The following OSBPL10 variants were observed in gnomAD, a reference collection of about 807,000 sequenced individuals.
The protein encoded by OSBPL10 is oxysterol-binding protein-related protein 10.
OSBPL10 carries 49 observed loss-of-function variants against 81.7 expected under a neutral mutation model. That is an observed-to-expected ratio of 0.60 (90% CI 0.48 to 0.76). The LOEUF is 0.76. Among genes scored for constraint, OSBPL10 ranks in the 30% least tolerant of loss-of-function variants. The pLI is 0.00. For synonymous variants in OSBPL10, 419 were observed against 383.6 expected, an observed-to-expected ratio of 1.09 and a Z score of -1.08; for missense variants, 923 against 987.8, an observed-to-expected ratio of 0.93 and a Z score of 0.88.
intron 6 of OSBPL10, chr3:31,705,027 C>T (rs1197086405): frequency 6.6e-6 from 1 of 152,216 alleles, no homozygotes; most frequent in East Asian, 1.9e-4. Context: ...GAAATTAAGG[C>T]TGGTGCAGGT....
intron 1 of OSBPL10, among the ~76,000 whole-genome samples, chr3:31,933,890 T>A (rs1697314936): frequency 6.6e-6 from 1 of 152,076 alleles, no homozygotes; most frequent in South Asian, 2.1e-4. Flanking sequence ...ACATTAATTT[T>A]GAGAGGAAAG....
intron 4 of OSBPL10, chr3:31,795,007 T>C (rs1046500968): frequency 1.6e-5 from 4 of 255,762 alleles, no homozygotes; most frequent in African/African-American, 9.2e-5. Context: ...GAAGAACTTC[T>C]TGCCCAGCTT....
intron 4 of OSBPL10, among the ~76,000 whole-genome samples, chr3:31,799,855 C>T (rs574034192): frequency 1.3e-5 from 2 of 152,074 alleles, no homozygotes; most frequent in South Asian, 4.1e-4. Flanking sequence ...ACTACAGGCG[C>T]CCACCACCAT....
At chr3:31,764,098 A>G (rs1320977836) in intron 4 of OSBPL10, among the ~76,000 whole-genome samples, 3 of 152,340 alleles carry the variant, frequency 2.0e-5, no homozygotes, top group African/African-American at 7.2e-5. Context: ...TTTGCAAAAG[A>G]GCTAACCGCC....
intron 4 of OSBPL10, among the ~76,000 whole-genome samples, chr3:31,787,527 G>C (rs570180848): frequency 1.1e-3 from 161 of 151,732 alleles, no homozygotes; most frequent in African/African-American, 3.8e-3. Context: ...CCCGGGAGCT[G>C]GAGGTTGCAG....
chr3:31,927,392 T>C (rs1697105905), intron 1 of OSBPL10, among the ~76,000 whole-genome samples: 1 of 152,194 alleles, frequency 6.6e-6, no homozygotes. Flanking sequence ...TTAGAACACA[T>C]CTTTTAAGCT....
At chr3:31,888,763 A>G (rs1251188388) in intron 1 of OSBPL10, among the ~76,000 whole-genome samples, 1 of 152,092 alleles carries the variant, frequency 6.6e-6, no homozygotes, top group Admixed American at 6.5e-5. Flanking sequence ...TCTACTAAAA[A>G]TATAAAAAAA....
chr3:31,869,333 TG>T (rs1217292979), intron 3 of OSBPL10, among the ~76,000 whole-genome samples: 1 of 152,228 alleles, frequency 6.6e-6, no homozygotes, highest in Non-Finnish European at 1.5e-5. Context: ...CAGAATGTCA[TG>T]AATTGAAAGA....
intron 4 of OSBPL10, among the ~76,000 whole-genome samples, chr3:31,778,890 A>G (rs984887373): frequency 1.3e-5 from 2 of 152,226 alleles, no homozygotes; most frequent in African/African-American, 4.8e-5. Flanking sequence ...CTTATTAGCC[A>G]GAAGGGACTG....
intron 1 of OSBPL10, among the ~76,000 whole-genome samples, chr3:32,059,533 G>A (rs1444023282): frequency 1.3e-5 from 2 of 152,060 alleles, no homozygotes; most frequent in African/African-American, 2.4e-5. Flanking sequence ...GGAGGTTGCA[G>A]TGAGCCGAGA....
At chr3:31,863,686 C>T (rs1701110027) in intron 3 of OSBPL10, among the ~76,000 whole-genome samples, 2 of 152,182 alleles carry the variant, frequency 1.3e-5, no homozygotes, top group Admixed American at 1.3e-4. Context: ...AAAATGTGTT[C>T]CTTATGACTA....
chr3:31,791,652 T>G (rs753833882), intron 4 of OSBPL10, among the ~76,000 whole-genome samples: 4 of 152,060 alleles, frequency 2.6e-5, no homozygotes, highest in Non-Finnish European at 5.9e-5. Flanking sequence ...TTTTGTTTTT[T>G]TTTTCCACAA....
At chr3:31,698,174 G>A (rs1005992568) in intron 7 of OSBPL10, among the ~76,000 whole-genome samples, 4 of 151,776 alleles carry the variant, frequency 2.6e-5, no homozygotes, top group African/African-American at 9.7e-5. Context: ...AACTAAGCAG[G>A]TATGGTGGCT....
chr3:31,785,202 T>G (rs1698832086), intron 4 of OSBPL10, among the ~76,000 whole-genome samples: 1 of 152,168 alleles, frequency 6.6e-6, no homozygotes, highest in Non-Finnish European at 1.5e-5. Context: ...TTTCATTTGA[T>G]GATATCAGAA....
upstream of OSBPL10, among the ~76,000 whole-genome samples, chr3:31,985,752 T>C (rs764475324): frequency 2.0e-5 from 3 of 152,228 alleles, no homozygotes; most frequent in South Asian, 2.1e-4. Context: ...GTCTGATGTG[T>C]TGTACGTCCC....
At chr3:32,076,367 CAA>C (rs1290038077) in intron 1 of OSBPL10, among the ~76,000 whole-genome samples, 7 of 136,950 alleles carry the variant, frequency 5.1e-5, no homozygotes, top group Admixed American at 7.3e-5. Context: ...GACTCCATCT[CAA>C]AAAAAAAAAA....
At chr3:31,868,857 A>T (rs1701247857) in intron 3 of OSBPL10, among the ~76,000 whole-genome samples, 1 of 152,088 alleles carries the variant, frequency 6.6e-6, no homozygotes, top group African/African-American at 2.4e-5. Flanking sequence ...AATTTCTCCA[A>T]CTCCCGAATC....
In OSBPL10 at chr3:31,846,139, C is replaced by T. The variant is rs577743075; in HGVS notation, c.538-15908G>A. ...GCAATCCTCCTGCCTCAGCCTCCCG[C>T]GTGGCGGGGACAACAGGCATGTCCC... is the stretch of plus-strand genomic sequence containing the variant. On this transcript the variant is annotated intron_variant, in intron 3 of 11. Transcript: ENST00000396556. Among the ~76,000 whole-genome samples the T allele has an allele frequency of 7.2e-5, 11 of 152,220 alleles. No homozygotes were observed. In the South Asian group the frequency reaches 2.1e-3, roughly 29 times the overall value.
chr3:31,934,648 C>G (rs2125727161), intron 1 of OSBPL10, among the ~76,000 whole-genome samples: 1 of 151,584 alleles, frequency 6.6e-6, no homozygotes, highest in Non-Finnish European at 1.5e-5. Context: ...CTCAGGTGAT[C>G]CACCCGCCTC....
Sources: gnomAD v4.1 joint callset for allele counts (sites outside exome capture counted in the v4.1 genomes callset) on GRCh38, gnomAD v4.1.1 for gene constraint, MANE v1.5 for transcripts, NCBI Gene and HGNC (gene_info 2026-07-23, HGNC 2026-07-21) for gene names.